The following NT5C3A variants were observed in gnomAD, a reference collection of about 807,000 sequenced individuals.
NT5C3A encodes the protein 5'-nucleotidase, cytosolic IIIA, also known as cytosolic 5'-nucleotidase 3A.
Under a neutral mutation model 40.0 loss-of-function variants are expected in NT5C3A, and 23 were observed. The ratio of observed to expected loss-of-function variants is 0.58; its 90% confidence interval spans 0.41 to 0.81. The LOEUF (loss-of-function observed/expected upper bound fraction) is 0.81. Among genes scored for constraint, NT5C3A ranks in the 40% least tolerant of loss-of-function variants. NT5C3A has a pLI of 0.00. For missense variants in NT5C3A, 328 were observed against 403.0 expected, an observed-to-expected ratio of 0.81 and a Z score of 1.59; for synonymous variants, 130 against 141.4, an observed-to-expected ratio of 0.92 and a Z score of 0.57.
At chr7:33,023,991 A>G in intron 3 of NT5C3A, 48 bp downstream of exon 3, 1 of 1,114,836 alleles carries the variant, frequency 9.0e-7, no homozygotes, top group Non-Finnish European at 1.4e-6. Context: ...GGATCTTAAA[A>G]TAATGATGAC....
chr7:33,024,000 A>T, intron 3 of NT5C3A, 39 bp downstream of exon 3: 1 of 1,152,068 alleles, frequency 8.7e-7, no homozygotes, highest in Non-Finnish European at 1.3e-6. Flanking sequence ...AATAATGATG[A>T]CATGCTTTTG....
chr7:33,042,418 CTA>C (rs1786967534), intron 1 of NT5C3A, among the ~76,000 whole-genome samples: 1 of 152,072 alleles, frequency 6.6e-6, no homozygotes, highest in African/African-American at 2.4e-5. Context: ...TTTGACACTG[CTA>C]TCTTATTTAA....
chr7:33,062,448 C>G, intron 1 of NT5C3A, 120 bp downstream of exon 1: 1 of 896,368 alleles, frequency 1.1e-6, no homozygotes, highest in Non-Finnish European at 1.7e-6. Flanking sequence ...CCCAGCCTGA[C>G]AGGCGACGCC....
At chr7:33,027,060 GTTTAT>G in intron 1 of NT5C3A, 145 bp from the exon 2 acceptor site, 1 of 597,612 alleles carries the variant, frequency 1.7e-6, no homozygotes, top group Non-Finnish European at 2.9e-6. Context: ...TCAAATTACC[GTTTAT>G]TTATTTTGTT....
chr7:33,046,302 C>T (rs556651775), intron 1 of NT5C3A, among the ~76,000 whole-genome samples: 4 of 152,128 alleles, frequency 2.6e-5, no homozygotes, highest in South Asian at 2.1e-4. Context: ...CTTGGGAAGT[C>T]GAGGTAGAAG....
chr7:33,025,197 T>G (rs981628868), intron 2 of NT5C3A, among the ~76,000 whole-genome samples: 2 of 152,160 alleles, frequency 1.3e-5, no homozygotes, highest in African/African-American at 4.8e-5. Flanking sequence ...AAAATCTGAT[T>G]AATTGGTATG....
At chr7:33,016,607 T>G (rs1013451615) in intron 7 of NT5C3A, among the ~76,000 whole-genome samples, 2 of 148,876 alleles carry the variant, frequency 1.3e-5, no homozygotes, top group Non-Finnish European at 3.0e-5. Flanking sequence ...GAGGTGGAGG[T>G]TGCTGTGAGC....
At chr7:33,060,369 C>CTTTTTT (rs3082829) in intron 1 of NT5C3A, among the ~76,000 whole-genome samples, 2 of 78,474 alleles carry the variant, frequency 2.5e-5, no homozygotes, top group Non-Finnish European at 2.3e-5. Flanking sequence ...TGCTTTCCTT[C>CTTTTTT]TTTTTTTTTT....
intron 1 of NT5C3A, among the ~76,000 whole-genome samples, chr7:33,030,007 AATG>A (rs1315678534): frequency 3.3e-5 from 5 of 152,232 alleles, no homozygotes; most frequent in African/African-American, 1.2e-4. Flanking sequence ...GGAGTAAAAT[AATG>A]ATGAAATAGG....
chr7:33,062,551 C>T lies in NT5C3A; in HGVS notation c.138+17G>A. 6.2e-7 allele frequency: 1 copy of T among 1,606,376 alleles called. No homozygotes were observed. ...GGCCCCTCGCGTGCTCTGGGCGCGC[C>T]GAGCCTCCACACTCACCATCTCGAT... On this transcript the variant is annotated intron_variant, in intron 1 of 8. Transcript: ENST00000610140.
intron 1 of NT5C3A, among the ~76,000 whole-genome samples, chr7:33,061,625 G>A (rs140975293): frequency 2.6e-5 from 4 of 152,266 alleles, no homozygotes; most frequent in African/African-American, 9.6e-5. Context: ...CATATTGCAG[G>A]TGCTCAGAAA....
At chr7:33,046,805 CT>C (rs558923448) in intron 1 of NT5C3A, among the ~76,000 whole-genome samples, 7,558 of 140,342 alleles carry the variant, frequency 0.054, 383 homozygotes, top group African/African-American at 0.13. Flanking sequence ...TTAGCACTGA[CT>C]TTTTTTTTTT....
intron 1 of NT5C3A, among the ~76,000 whole-genome samples, chr7:33,049,485 G>A (rs1239297591): frequency 1.3e-5 from 2 of 151,894 alleles, no homozygotes; most frequent in Non-Finnish European, 2.9e-5. Context: ...CTTGTTAAAG[G>A]AAAAAGATAC....
chr7:33,046,458 C>T (rs1201405234), intron 1 of NT5C3A, among the ~76,000 whole-genome samples: 2 of 151,884 alleles, frequency 1.3e-5, no homozygotes, highest in Non-Finnish European at 2.9e-5. Context: ...AGGATCACTT[C>T]AGCCCAGAAG....
intron 1 of NT5C3A, among the ~76,000 whole-genome samples, chr7:33,055,584 T>G (rs1410314785): frequency 1.3e-5 from 2 of 152,198 alleles, no homozygotes; most frequent in East Asian, 3.9e-4. Flanking sequence ...GATTCCACCT[T>G]TCTGCTGCCT....
In NT5C3A at chr7:33,062,759, A is replaced by C. The variant is rs757488721; in HGVS notation, c.-54T>G. On this transcript the variant is annotated 5_prime_UTR_variant, in exon 1 of 9. Transcript: ENST00000610140. ...GGAAAAAAACAGGCAGCTCGCGTAG[A>C]CTGCGAGTCTCGGAAGCGCGGGATC... 6.5e-7 allele frequency: 1 copy of C among 1,548,668 alleles called. No homozygotes were observed. Among genetic ancestry groups the C allele is most frequent in the Non-Finnish European group, 8.7e-7 (1 of 1,146,446 alleles).
intron 1 of NT5C3A, chr7:33,036,328 G>T: frequency 9.3e-6 from 3 of 322,676 alleles, no homozygotes; most frequent in South Asian, 9.1e-5. Context: ...TGACAAGAGT[G>T]AGAACCCTGG....
At chr7:33,027,354 G>T (rs998646356) in intron 1 of NT5C3A, among the ~76,000 whole-genome samples, 4 of 152,128 alleles carry the variant, frequency 2.6e-5, no homozygotes, top group African/African-American at 9.7e-5. Flanking sequence ...AAAAGTGTGG[G>T]ACACCAAGCC....
intron 2 of NT5C3A, among the ~76,000 whole-genome samples, chr7:33,026,213 T>C (rs1180957359): frequency 6.6e-6 from 1 of 151,658 alleles, no homozygotes; most frequent in Admixed American, 6.6e-5. Flanking sequence ...CTGGTTGTGG[T>C]GGCTGGCACC....
Sources: allele counts gnomAD v4.1 joint callset (sites outside exome capture counted in the v4.1 genomes callset), GRCh38; gene constraint gnomAD v4.1.1; transcripts MANE v1.5; gene names NCBI Gene and HGNC (gene_info 2026-07-23, HGNC 2026-07-21).